Variants in LRFN5 observed in about 807,000 individuals in gnomAD.
LRFN5 encodes leucine-rich repeat and fibronectin type-III domain-containing protein 5.
Under a neutral mutation model 45.6 loss-of-function variants are expected in LRFN5, and 24 were observed. The observed-to-expected ratio is 0.53, with a 90% CI of 0.38 to 0.74. The LOEUF (loss-of-function observed/expected upper bound fraction) is 0.74, where lower values mean the gene tolerates loss of function less well. Among genes scored for constraint, LRFN5 ranks in the 30% least tolerant of loss-of-function variants. The probability of loss-of-function intolerance (pLI) is 0.00; values close to 1 mark genes in which losing one functional copy is unlikely to be tolerated. For missense variants in LRFN5, 776 were observed against 861.5 expected, an observed-to-expected ratio of 0.90 and a Z score of 1.24; for synonymous variants, 340 against 313.8, an observed-to-expected ratio of 1.08 and a Z score of -0.88.
At chr14:41,878,189 T>G (rs1890250737) in intron 2 of LRFN5, among the ~76,000 whole-genome samples, 1 of 152,136 alleles carries the variant, frequency 6.6e-6, no homozygotes, top group Non-Finnish European at 1.5e-5. Context: ...TTATAAAATA[T>G]CCTTCACAAT....
chr14:41,903,488 T>A (rs922604758), intron 5 of LRFN5, among the ~76,000 whole-genome samples: 1 of 151,348 alleles, frequency 6.6e-6, no homozygotes, highest in Admixed American at 6.6e-5. Flanking sequence ...ATTAGACATA[T>A]CTTAAATCCA....
chr14:41,732,153 G>A (rs1182892543), intron 1 of LRFN5, among the ~76,000 whole-genome samples: 3 of 152,142 alleles, frequency 2.0e-5, no homozygotes, highest in African/African-American at 7.2e-5. Context: ...CCCAGTTCCA[G>A]GGCAGCCAGC....
At chr14:41,698,809 T>C (rs899945832) in intron 1 of LRFN5, among the ~76,000 whole-genome samples, 15 of 152,086 alleles carry the variant, frequency 9.9e-5, no homozygotes, top group Non-Finnish European at 2.2e-4. Context: ...TTTCTGTCTA[T>C]GGATTGTAAT....
intron 2 of LRFN5, among the ~76,000 whole-genome samples, chr14:41,831,987 C>A (rs146646415): frequency 6.6e-4 from 100 of 152,254 alleles, no homozygotes; most frequent in East Asian, 3.7e-3. Context: ...TAACTTCTTT[C>A]TCTTCCACTT....
intron 1 of LRFN5, among the ~76,000 whole-genome samples, chr14:41,664,257 A>G (rs527348827): frequency 4.6e-5 from 7 of 152,094 alleles, no homozygotes; most frequent in African/African-American, 1.7e-4. Context: ...AATAGCTAAT[A>G]AAATCATATT....
chr14:41,781,243 C>T (rs1289006344), intron 2 of LRFN5, among the ~76,000 whole-genome samples: 3 of 151,950 alleles, frequency 2.0e-5, no homozygotes, highest in Non-Finnish European at 4.4e-5. Context: ...GTTCTAAGGC[C>T]AAGTGTGTTG....
intron 1 of LRFN5, among the ~76,000 whole-genome samples, chr14:41,620,209 AT>A (rs1252729241): frequency 6.6e-6 from 1 of 152,126 alleles, no homozygotes; most frequent in Non-Finnish European, 1.5e-5. Context: ...TGTTAAAAAA[AT>A]AATTAAAATA....
intron 1 of LRFN5, among the ~76,000 whole-genome samples, chr14:41,629,862 T>C (rs577677526): frequency 9.8e-4 from 149 of 152,282 alleles, no homozygotes; most frequent in Non-Finnish European, 1.8e-3. Flanking sequence ...CTTTGAGAAG[T>C]TGTTTTTTCT....
chr14:41,683,096 A>G (rs1881972942), intron 1 of LRFN5, among the ~76,000 whole-genome samples: 1 of 152,224 alleles, frequency 6.6e-6, no homozygotes, highest in African/African-American at 2.4e-5. Flanking sequence ...AATCAAATTC[A>G]ACAATACATT....
rs1886439496 is a variant in LRFN5 at position 41,780,391 on chromosome 14, T to C, written c.-21+13362T>C. 8.4e-5 allele frequency among the ~76,000 whole-genome samples: 7 copies of C among 83,070 alleles called. No individual in the cohort carries two copies. In the South Asian group the frequency reaches 2.8e-3, roughly 33 times the overall value. 54.5% of individuals were successfully genotyped at this position (83,070 alleles called of 152,430 possible). A position where few individuals can be genotyped will look rare whatever the true frequency, so the allele number is the denominator to read the frequency against. On this transcript the variant is annotated intron_variant, in intron 2 of 5. Transcript: ENST00000298119. ...GGTGAATTCATGTTAAGGATTGTTGTGTCTTCCTGAAGAATTGACAGCTTT... is the reference window on the plus strand; with the variant it reads ...GGTGAATTCATGTTAAGGATTGTTGCGTCTTCCTGAAGAATTGACAGCTTT...
intron 2 of LRFN5, among the ~76,000 whole-genome samples, chr14:41,797,675 TTATG>T (rs1250453484): frequency 6.6e-6 from 1 of 151,634 alleles, no homozygotes. Context: ...TTTTACATAT[TTATG>T]TATGTATGTA....
intron 2 of LRFN5, among the ~76,000 whole-genome samples, chr14:41,785,842 G>A (rs370952374): frequency 3.2e-4 from 48 of 152,196 alleles, no homozygotes; most frequent in African/African-American, 1.1e-3. Context: ...TTCACAGTGG[G>A]GTTCACACCC....
chr14:41,694,349 CCTT>C (rs1882507636), intron 1 of LRFN5, among the ~76,000 whole-genome samples: 1 of 151,842 alleles, frequency 6.6e-6, no homozygotes, highest in African/African-American at 2.4e-5. Context: ...GCTTACCAAT[CCTT>C]CATCCTCTAG....
At chr14:41,643,467 A>G (rs1178552792) in intron 1 of LRFN5, among the ~76,000 whole-genome samples, 1 of 152,074 alleles carries the variant, frequency 6.6e-6, no homozygotes, top group East Asian at 1.9e-4. Context: ...CCCCACATAC[A>G]TATCTTCTCG....
chr14:41,886,860 G>A lies in LRFN5; in HGVS notation c.235G>A (p.Asp79Asn). 1 of 1,614,114 alleles carries A rather than the reference G, an allele frequency of 6.2e-7. No homozygotes were observed. The highest frequency in any genetic ancestry group is 1.3e-5 in the African/African-American group (1 of 75,040). Residue 79 changes from aspartate (D) to asparagine (N), a missense_variant, in exon 3 of 6, where the codon GAC becomes AAC. This residue lies in a region of LRFN5 where 311 missense variants were observed against 405.1 expected (regional missense o/e 0.77). Coordinates refer to ENST00000298119, the MANE Select transcript of LRFN5 (RefSeq NM_152447.5). ...TTTTGCCAATATGACCAGCTTGGTGGACCTGACTCTATCCAGGAATACAAT... is the reference window on the plus strand; with the variant it reads ...TTTTGCCAATATGACCAGCTTGGTGAACCTGACTCTATCCAGGAATACAAT... ...KDFANMTSLV[D>N]LTLSRNTISF...
intron 1 of LRFN5, among the ~76,000 whole-genome samples, chr14:41,655,826 G>A (rs1335547719): frequency 2.0e-5 from 3 of 151,852 alleles, no homozygotes; most frequent in African/African-American, 7.3e-5. Context: ...AAGAAATCAA[G>A]CATGATCTCA....
At chr14:41,745,296 A>G (rs1242721432) in intron 1 of LRFN5, among the ~76,000 whole-genome samples, 1 of 152,130 alleles carries the variant, frequency 6.6e-6, no homozygotes, top group African/African-American at 2.4e-5. Context: ...AAATGGGTCA[A>G]AAATCACAAG....
At chr14:41,747,600 T>C (rs192598765) in intron 1 of LRFN5, among the ~76,000 whole-genome samples, 51 of 152,098 alleles carry the variant, frequency 3.4e-4, no homozygotes, top group African/African-American at 1.1e-3. Flanking sequence ...CTTTAAAATA[T>C]TGGATTTAGT....
At chr14:41,791,002 T>C (rs1886899425) in intron 2 of LRFN5, among the ~76,000 whole-genome samples, 1 of 151,894 alleles carries the variant, frequency 6.6e-6, no homozygotes, top group Admixed American at 6.6e-5. Context: ...ATCCACATAT[T>C]ATTTTCAATT....
Sources: gnomAD v4.1 joint callset for allele counts (sites outside exome capture counted in the v4.1 genomes callset) on GRCh38, gnomAD v4.1.1 for gene constraint, gnomAD v4.1.1 regional missense constraint, MANE v1.5 for transcripts, NCBI Gene and HGNC (gene_info 2026-07-23, HGNC 2026-07-21) for gene names.